Variants in SNX4 observed in about 807,000 individuals in gnomAD.
SNX4 encodes the protein sorting nexin 4, also known as sorting nexin-4.
SNX4 carries 49 observed loss-of-function variants against 70.8 expected under a neutral mutation model. The observed-to-expected ratio is 0.69, with a 90% CI of 0.55 to 0.88. SNX4 has a LOEUF of 0.88. SNX4 is among the 40% of genes least tolerant of loss of function. The probability of loss-of-function intolerance (pLI) is 0.00; values close to 1 mark genes in which losing one functional copy is unlikely to be tolerated. For missense variants in SNX4, 528 were observed against 544.8 expected (o/e 0.97, Z 0.31); for synonymous variants, 206 against 183.8 (o/e 1.12, Z -0.98).
At chr3:125,508,699 T>C (rs1231237226) in intron 1 of SNX4, among the ~76,000 whole-genome samples, 1 of 151,720 alleles carries the variant, frequency 6.6e-6, no homozygotes, top group Non-Finnish European at 1.5e-5. Flanking sequence ...ACCTATGAAA[T>C]CAGATAGTCC....
At chr3:125,460,408 G>A (rs1314322718) in intron 10 of SNX4, among the ~76,000 whole-genome samples, 2 of 152,118 alleles carry the variant, frequency 1.3e-5, no homozygotes, top group Non-Finnish European at 2.9e-5. Flanking sequence ...CGTTGTACAA[G>A]CTACTGATAA....
Position 125,498,092 on chromosome 3 carries a change from T to G in SNX4, c.366A>C (p.Pro122=), listed in dbSNP as rs1323560354. The G allele has an allele frequency of 1.2e-6, 2 of 1,614,182 alleles. No individual in the cohort carries two copies. Among genetic ancestry groups the G allele is most frequent in the African/African-American group, 2.7e-5 (2 of 75,064 alleles). The change falls in exon 3 of 14, where the codon CCA becomes CCC. Residue 122 remains proline (P), a synonymous_variant. Transcript: ENST00000251775. ...LLRSYLLVYY[P]HIVVPPLPEK... is the part of the protein sequence containing the mutation. ...CTGGCAGAGGTGGCACAACAATATGTGGATAGTAAACTAAAAGGTAGCTTC... is the reference window on the plus strand; with the variant it reads ...CTGGCAGAGGTGGCACAACAATATGGGGATAGTAAACTAAAAGGTAGCTTC...
At chr3:125,487,397 T>G (rs1037140510) in intron 6 of SNX4, among the ~76,000 whole-genome samples, 2 of 152,076 alleles carry the variant, frequency 1.3e-5, no homozygotes, top group Non-Finnish European at 2.9e-5. Flanking sequence ...ATTCAGCAGT[T>G]CAGAAAACCT....
At chr3:125,501,972 C>A (rs947041724) in intron 2 of SNX4, among the ~76,000 whole-genome samples, 1 of 152,116 alleles carries the variant, frequency 6.6e-6, no homozygotes, top group African/African-American at 2.4e-5. Context: ...ATTTCAAAGT[C>A]AAGTACAAAC....
intron 8 of SNX4, among the ~76,000 whole-genome samples, chr3:125,475,545 A>C (rs1212651790): frequency 6.6e-6 from 1 of 152,148 alleles, no homozygotes; most frequent in Non-Finnish European, 1.5e-5. Context: ...TTGTATTTTT[A>C]GTAGAGATGA....
At chr3:125,496,277 G>C (rs1434206113) in intron 5 of SNX4, among the ~76,000 whole-genome samples, 1 of 152,162 alleles carries the variant, frequency 6.6e-6, no homozygotes, top group African/African-American at 2.4e-5. Flanking sequence ...CTGGGTGACA[G>C]AGCAAGACTC....
intron 1 of SNX4, among the ~76,000 whole-genome samples, chr3:125,516,371 G>C (rs956492116): frequency 6.6e-6 from 1 of 152,112 alleles, no homozygotes; most frequent in Admixed American, 6.5e-5. Context: ...ATTTTAAATA[G>C]AACTGACTAT....
At chr3:125,492,161 T>C (rs993776459) in intron 5 of SNX4, among the ~76,000 whole-genome samples, 6 of 145,592 alleles carry the variant, frequency 4.1e-5, no homozygotes, top group African/African-American at 1.5e-4. Flanking sequence ...AAAGGCACAG[T>C]GTGAAGGTGG....
At position 125,487,912 on chromosome 3, in the gene SNX4, G is replaced by A. The variant is rs571796956; in HGVS notation, c.653+1496C>T. On this transcript the variant is annotated intron_variant, in intron 6 of 13. Coordinates refer to ENST00000251775, the MANE Select transcript of SNX4 (RefSeq NM_003794.4). ...GGTGGATACACGTCATTATCCATTT[G>A]TCCAAACTCAAAAACTGCCCAACAC... Among the ~76,000 whole-genome samples, 4 of 152,052 alleles carry A rather than the reference G, an allele frequency of 2.6e-5. No individual in the cohort carries two copies. In the South Asian group the frequency reaches 6.2e-4, roughly 24 times the overall value.
At chr3:125,519,151 G>GCA (rs1206928463) in intron 1 of SNX4, among the ~76,000 whole-genome samples, 2 of 152,186 alleles carry the variant, frequency 1.3e-5, no homozygotes, top group Non-Finnish European at 2.9e-5. Context: ...TGTGAGCAAT[G>GCA]CACACAAAAG....
intron 2 of SNX4, 130 bp from the exon 3 acceptor site, chr3:125,498,324 A>C: frequency 2.2e-6 from 2 of 929,862 alleles, no homozygotes; most frequent in Non-Finnish European, 3.1e-6. Flanking sequence ...CTTTTCATAC[A>C]TTTTTCTTTT....
At chr3:125,458,283 CCA>C (rs1933777420) in intron 10 of SNX4, among the ~76,000 whole-genome samples, 1 of 151,754 alleles carries the variant, frequency 6.6e-6, no homozygotes, top group African/African-American at 2.4e-5. Flanking sequence ...GGCAATCCTC[CCA>C]CCTCAGCCTC....
chr3:125,455,629 A>C (rs1350122343), intron 11 of SNX4, among the ~76,000 whole-genome samples: 1 of 152,170 alleles, frequency 6.6e-6, no homozygotes, highest in Non-Finnish European at 1.5e-5. Context: ...TAGTTTATAC[A>C]TGTGTCCTGG....
intron 7 of SNX4, among the ~76,000 whole-genome samples, chr3:125,478,050 T>C (rs7430704): frequency 0.049 from 7,300 of 149,952 alleles, 419 homozygotes; most frequent in African/African-American, 0.13. Flanking sequence ...TCCTCCTCCT[T>C]CTTCTTCTTC....
rs753462412 is a variant in SNX4 at position 125,520,169 on chromosome 3, C to A, written c.4G>T (p.Glu2Ter). ...CGCTCGGGGTCCGGAGGTGCCTGCT[C>A]CATGGCTGCAGTTCGGCGCGGCGAA... M[E>*]QAPPDPERQL... is the part of the protein sequence containing the mutation. The change falls in exon 1 of 14, where the codon GAG becomes TAG. Residue 2 changes from glutamate (E) to a stop codon, truncating the protein, a stop_gained. Transcript: ENST00000251775. LOFTEE classifies it high-confidence loss of function. 1 of 1,389,948 alleles carries A rather than the reference C, an allele frequency of 7.2e-7. No individual in the cohort carries two copies. The highest frequency in any genetic ancestry group is 3.1e-5 in the East Asian group (1 of 32,524). The allele number at this position is 1,389,948 out of a possible 1,614,324, so 86.1% of individuals were successfully genotyped here. A position where few individuals can be genotyped will look rare whatever the true frequency, so the allele number is the denominator to read the frequency against.
intron 5 of SNX4, among the ~76,000 whole-genome samples, chr3:125,490,494 A>T (rs1037041570): frequency 1.4e-5 from 2 of 145,106 alleles, no homozygotes; most frequent in African/African-American, 2.6e-5. Context: ...ACGGCACTCC[A>T]GCCTGGGCGA....
At position 125,462,094 on chromosome 3, in the gene SNX4, CAT is replaced by C. The variant is rs1337490405; in HGVS notation, c.855-1236_855-1235del. Among the ~76,000 whole-genome samples the C allele has an allele frequency of 3.9e-5, 6 of 152,312 alleles. No individual in the cohort carries two copies. In the East Asian group the frequency reaches 9.6e-4, roughly 24 times the overall value. ...ATTGCTTCTCCAAACCATACAAGCA[CAT>C]GTCTCAACACCTCTAGGAAATTTTC... On this transcript the variant is annotated intron_variant, in intron 9 of 13. Coordinates refer to ENST00000251775, the MANE Select transcript of SNX4 (RefSeq NM_003794.4).
At chr3:125,466,344 C>CAA (rs75116020) in intron 9 of SNX4, among the ~76,000 whole-genome samples, 77 of 105,790 alleles carry the variant, frequency 7.3e-4, no homozygotes, top group African/African-American at 2.5e-3. Flanking sequence ...TAACTATTAA[C>CAA]AAAAAAAAAA....
intron 2 of SNX4, among the ~76,000 whole-genome samples, chr3:125,498,945 C>A (rs1934867992): frequency 6.6e-6 from 1 of 152,154 alleles, no homozygotes; most frequent in Admixed American, 6.6e-5. Flanking sequence ...GACCAAGACA[C>A]CACAAAAACT....
Sources: gnomAD v4.1 joint callset for allele counts (sites outside exome capture counted in the v4.1 genomes callset) on GRCh38, gnomAD v4.1.1 for gene constraint, MANE v1.5 for transcripts, NCBI Gene and HGNC (gene_info 2026-07-23, HGNC 2026-07-21) for gene names.